The following IGF2BP2 variants were observed in gnomAD, a reference collection of about 807,000 sequenced individuals.
The protein encoded by IGF2BP2 is insulin-like growth factor 2 mRNA-binding protein 2.
A neutral mutation model predicts 75.8 loss-of-function variants in IGF2BP2; 17 were observed. The observed-to-expected ratio is 0.22, with a 90% CI of 0.15 to 0.34. The LOEUF (loss-of-function observed/expected upper bound fraction) is 0.34. IGF2BP2 is among the 10% of genes least tolerant of loss of function. The pLI, the probability that IGF2BP2 is intolerant of heterozygous loss-of-function variation, is 1.00. For synonymous variants in IGF2BP2, 288 were observed against 295.6 expected (o/e 0.97, Z 0.26); for missense variants, 516 against 772.4 (o/e 0.67, Z 3.93).
intron 2 of IGF2BP2, among the ~76,000 whole-genome samples, chr3:185,771,951 A>G (rs1023577447): frequency 5.9e-5 from 9 of 152,130 alleles, no homozygotes; most frequent in African/African-American, 1.9e-4. Context: ...CACTGTGGCC[A>G]TATCTGGTTA....
intron 2 of IGF2BP2, among the ~76,000 whole-genome samples, chr3:185,816,266 A>G (rs1740591584): frequency 6.6e-6 from 1 of 152,182 alleles, no homozygotes; most frequent in East Asian, 1.9e-4. Flanking sequence ...GAAAAAAGCA[A>G]CATAACAACA....
chr3:185,692,978 C>A (rs1210347125), intron 4 of IGF2BP2, among the ~76,000 whole-genome samples: 8 of 152,210 alleles, frequency 5.3e-5, no homozygotes, highest in Non-Finnish European at 8.8e-5. Flanking sequence ...CAACTCAGAA[C>A]TATATTTTCC....
Position 185,647,102 on chromosome 3 carries a change from T to C in IGF2BP2, c.1630A>G (p.Ile544Val), listed in dbSNP as rs1713705093. The C allele has an allele frequency of 3.1e-6, 5 of 1,614,068 alleles. No individual in the cohort carries two copies. The highest frequency in any genetic ancestry group is 1.7e-5 in the Admixed American group (1 of 60,000). Residue 544 changes from isoleucine (I) to valine (V), a missense_variant, in exon 15 of 16, where the codon ATC becomes GTC. Transcript: ENST00000382199. The surrounding 1 kb of genome is among the most constrained non-coding windows in gnomAD (Gnocchi z 4.9). ...ELQNLTSAEV[I>V]VPRDQTPDEN... is the part of the protein sequence containing the mutation. ...TCTGGCGTTTGGTCACGAGGCACGATGACTTCTGCACTGGTTAAGTTCTGC... is the reference window on the plus strand; with the variant it reads ...TCTGGCGTTTGGTCACGAGGCACGACGACTTCTGCACTGGTTAAGTTCTGC...
intron 2 of IGF2BP2, among the ~76,000 whole-genome samples, chr3:185,726,386 T>C (rs1727329147): frequency 6.6e-6 from 1 of 152,102 alleles, no homozygotes; most frequent in Admixed American, 6.6e-5. Context: ...ATGTTTTCAG[T>C]CTCCATTCAG....
chr3:185,743,338 C>T (rs902886599), intron 2 of IGF2BP2, among the ~76,000 whole-genome samples: 3 of 152,058 alleles, frequency 2.0e-5, no homozygotes, highest in Non-Finnish European at 4.4e-5. Context: ...TGCAGTAACA[C>T]GATTTTGGCT....
At chr3:185,791,273 A>G (rs1469791316) in intron 2 of IGF2BP2, among the ~76,000 whole-genome samples, 1 of 152,248 alleles carries the variant, frequency 6.6e-6, no homozygotes, top group Non-Finnish European at 1.5e-5. Flanking sequence ...TGTATGTCCT[A>G]CTTCCAGCTC....
intron 11 of IGF2BP2, among the ~76,000 whole-genome samples, chr3:185,657,707 C>G (rs1715686381): frequency 6.6e-6 from 1 of 152,224 alleles, no homozygotes; most frequent in Non-Finnish European, 1.5e-5. Flanking sequence ...CAAATGTGAT[C>G]TGTATCTCTC....
At chr3:185,660,076 C>T (rs182029937) in intron 10 of IGF2BP2, among the ~76,000 whole-genome samples, 3 of 152,316 alleles carry the variant, frequency 2.0e-5, no homozygotes, top group East Asian at 3.9e-4. Context: ...AGGTTACAGG[C>T]GTGAACCACC....
At chr3:185,713,068 A>ATATG (rs200003186) in intron 2 of IGF2BP2, among the ~76,000 whole-genome samples, 4 of 148,708 alleles carry the variant, frequency 2.7e-5, no homozygotes, top group East Asian at 2.0e-4. Flanking sequence ...TGCCCTACAG[A>ATATG]TATGTATGTG....
intron 10 of IGF2BP2, among the ~76,000 whole-genome samples, chr3:185,662,165 T>C (rs1264038351): frequency 2.0e-5 from 3 of 152,032 alleles, no homozygotes; most frequent in Non-Finnish European, 4.4e-5. Context: ...TAATTAGTGA[T>C]AAATGAGTGC....
chr3:185,647,226 G>C lies in IGF2BP2; in HGVS notation c.1594-88C>G. The C allele has an allele frequency of 1.1e-6, 1 of 933,876 alleles. No homozygotes were observed. Among genetic ancestry groups the C allele is most frequent in the Non-Finnish European group, 1.8e-6 (1 of 563,940 alleles). 57.8% of individuals were successfully genotyped at this position (933,876 alleles called of 1,614,324 possible). A position where few individuals can be genotyped will look rare whatever the true frequency, so the allele number is the denominator to read the frequency against. On this transcript the variant is annotated intron_variant, in intron 14 of 15. Transcript: ENST00000382199. The surrounding 1 kb of genome is among the most constrained non-coding windows in gnomAD (Gnocchi z 4.9). Reference sequence around the variant, plus strand: ...GGACGGAGTGAGGGGCCAAGAGGTGGAGCAGGGGAAGGAGGGGGGCTGGAC... The same window carrying C: ...GGACGGAGTGAGGGGCCAAGAGGTGCAGCAGGGGAAGGAGGGGGGCTGGAC...
chr3:185,713,638 A>G (rs569731692), intron 2 of IGF2BP2: 83 of 382,068 alleles, frequency 2.2e-4, no homozygotes, highest in Non-Finnish European at 4.2e-4. Flanking sequence ...CTGAACAGCT[A>G]TATCTACCAC....
At chr3:185,693,365 T>C (rs1722199324) in intron 4 of IGF2BP2, 1 of 152,280 alleles carries the variant, frequency 6.6e-6, no homozygotes, top group African/African-American at 2.4e-5. Context: ...TAATTTGCAT[T>C]AATTCTTAAA....
chr3:185,700,244 T>TG, intron 2 of IGF2BP2, among the ~76,000 whole-genome samples: 1 of 151,902 alleles, frequency 6.6e-6, no homozygotes. Context: ...TGGAAACAAA[T>TG]GGGGAAATAA....
intron 2 of IGF2BP2, among the ~76,000 whole-genome samples, chr3:185,771,982 G>A (rs551269513): frequency 6.6e-6 from 1 of 152,170 alleles, no homozygotes; most frequent in Non-Finnish European, 1.5e-5. Context: ...AGGCATCTCT[G>A]CCCCAAACAG....
intron 9 of IGF2BP2, among the ~76,000 whole-genome samples, chr3:185,674,505 A>G (rs1719006381): frequency 2.6e-5 from 4 of 152,188 alleles, no homozygotes; most frequent in Admixed American, 2.0e-4. Flanking sequence ...TAAGAGTAAA[A>G]ATTAGGTAGC....
At chr3:185,763,750 G>A (rs943680952) in intron 2 of IGF2BP2, among the ~76,000 whole-genome samples, 1 of 152,196 alleles carries the variant, frequency 6.6e-6, no homozygotes, top group African/African-American at 2.4e-5. Flanking sequence ...ATATCAAAAT[G>A]CTAACAGTGG....
chr3:185,764,815 C>T (rs1732831513), intron 2 of IGF2BP2, among the ~76,000 whole-genome samples: 1 of 152,170 alleles, frequency 6.6e-6, no homozygotes, highest in South Asian at 2.1e-4. Flanking sequence ...TCAAAATCCC[C>T]TGACAGGCTT....
intron 10 of IGF2BP2, among the ~76,000 whole-genome samples, chr3:185,663,932 C>A (rs973583934): frequency 6.6e-5 from 10 of 152,070 alleles, no homozygotes; most frequent in African/African-American, 2.4e-4. Context: ...GAATTATGTT[C>A]AAATATTTAA....
Sources: allele counts gnomAD v4.1 joint callset (sites outside exome capture counted in the v4.1 genomes callset), GRCh38; gene constraint gnomAD v4.1.1; non-coding constraint Gnocchi (gnomAD v3.1); transcripts MANE v1.5; gene names NCBI Gene and HGNC (gene_info 2026-07-23, HGNC 2026-07-21).